Variants in MKLN1 observed in about 807,000 individuals in gnomAD.
The protein encoded by MKLN1 is muskelin 1, also known as muskelin.
MKLN1 carries 18 observed loss-of-function variants against 99.0 expected under a neutral mutation model. The ratio of observed to expected loss-of-function variants is 0.18; its 90% CI spans 0.13 to 0.27. MKLN1 has a LOEUF of 0.27. Ranked by LOEUF, MKLN1 falls within the 10% of genes least tolerant of loss-of-function variation. The pLI is 1.00. For missense variants in MKLN1, 621 were observed against 875.9 expected (o/e 0.71, Z 3.67); for synonymous variants, 288 against 293.2 (o/e 0.98, Z 0.18).
At chr7:131,441,273 T>A (rs1001629420) in intron 10 of MKLN1, among the ~76,000 whole-genome samples, 1 of 152,196 alleles carries the variant, frequency 6.6e-6, no homozygotes, top group African/African-American at 2.4e-5. Context: ...CAACATTGGA[T>A]ACTTAGAAGC....
chr7:131,135,489 A>C (rs1203885360), intron 1 of MKLN1, among the ~76,000 whole-genome samples: 1 of 152,222 alleles, frequency 6.6e-6, no homozygotes. Context: ...AAGGCAATGG[A>C]CTGGATTGAC....
chr7:131,443,795 T>A, intron 11 of MKLN1, 93 bp downstream of exon 11: 1 of 982,602 alleles, frequency 1.0e-6, no homozygotes, highest in Non-Finnish European at 1.6e-6. Flanking sequence ...TAGGAAGAGA[T>A]TAGTGTAGCA....
intron 5 of MKLN1, 22 bp from the exon 6 acceptor site, chr7:131,399,219 T>C (rs1794454883): frequency 6.2e-6 from 10 of 1,605,440 alleles, no homozygotes; most frequent in Non-Finnish European, 7.7e-6. Flanking sequence ...CTTCTTTCCA[T>C]ACTTACTCTG....
At position 131,424,769 on chromosome 7, in the gene MKLN1, G is replaced by A. The variant is rs373286865; in HGVS notation, c.848-4264G>A. On this transcript the variant is annotated intron_variant, in intron 8 of 17. Coordinates refer to ENST00000352689, the MANE Select transcript of MKLN1 (RefSeq NM_013255.5). The stretch of plus-strand genomic sequence containing the variant: ...TGTTTTAGAATGAAATTTGTTTGCC[G>A]TTTCGAACATAGGCCACTTTACCTC... 5.3e-5 allele frequency among the ~76,000 whole-genome samples: 8 copies of A among 152,114 alleles called. No individual in the cohort carries two copies. The East Asian group carries it at 9.6e-4, about 18-fold the overall frequency.
intron 3 of MKLN1, among the ~76,000 whole-genome samples, chr7:131,304,189 C>T (rs1798420788): frequency 6.6e-6 from 1 of 152,074 alleles, no homozygotes; most frequent in South Asian, 2.1e-4. Context: ...GCCTGGGCAA[C>T]ATAGGAAGAC....
chr7:131,494,535 TG>T lies in MKLN1; in HGVS notation c.*6812del, dbSNP rs1177833473. Reference sequence around the variant, plus strand: ...AAGGTTACTTAGGAGTAGTCTTCCGTGGGGGAAGATAAATTTATTAAAGAGT... The same window carrying T: ...AAGGTTACTTAGGAGTAGTCTTCCGTGGGGAAGATAAATTTATTAAAGAGT... On this transcript the variant is annotated 3_prime_UTR_variant, in exon 18 of 18. Coordinates refer to ENST00000352689, the MANE Select transcript of MKLN1 (RefSeq NM_013255.5). The T allele has an allele frequency of 6.6e-6, 1 of 152,140 alleles. No individual in the cohort carries two copies. The highest frequency in any genetic ancestry group is 6.5e-5 in the Admixed American group (1 of 15,270). The allele number at this position is 152,140 out of a possible 1,614,324, so 9.4% of individuals were successfully genotyped here.
intron 2 of MKLN1, among the ~76,000 whole-genome samples, chr7:131,376,112 A>G (rs201615125): frequency 4.2e-3 from 1 of 240 alleles, no homozygotes; most frequent in African/African-American, 0.016. Context: ...ATATATATAT[A>G]TATATATATA....
intron 1 of MKLN1, among the ~76,000 whole-genome samples, chr7:131,351,943 A>G (rs1267390263): frequency 6.6e-6 from 1 of 152,126 alleles, no homozygotes; most frequent in African/African-American, 2.4e-5. Context: ...CACATTTACT[A>G]GCTGTAATTT....
intron 1 of MKLN1, among the ~76,000 whole-genome samples, chr7:131,134,323 G>C (rs118047622): frequency 0.067 from 10,119 of 151,952 alleles, 456 homozygotes; most frequent in Admixed American, 0.16. Flanking sequence ...TATTGCCAGG[G>C]TCCTTCTCCA....
At chr7:131,133,798 CTTT>C (rs35694478) in intron 1 of MKLN1, among the ~76,000 whole-genome samples, 1 of 69,496 alleles carries the variant, frequency 1.4e-5, no homozygotes, top group African/African-American at 5.6e-5. Context: ...AGGTTGACTT[CTTT>C]TTTTTTTTTT....
chr7:131,360,098 G>C (rs1319118630), intron 1 of MKLN1, among the ~76,000 whole-genome samples: 1 of 151,964 alleles, frequency 6.6e-6, no homozygotes, highest in Non-Finnish European at 1.5e-5. Context: ...TGTTTGCTTT[G>C]TCTGATATTA....
At chr7:131,338,045 T>C (rs765647547) in intron 1 of MKLN1, among the ~76,000 whole-genome samples, 1 of 152,222 alleles carries the variant, frequency 6.6e-6, no homozygotes, top group East Asian at 1.9e-4. Context: ...TGTAGTTTGC[T>C]TCCAACTTGG....
rs182695567 is a variant in MKLN1 at position 131,264,707 on chromosome 7, T to G, written c.-179+61733T>G. 3.3e-5 allele frequency among the ~76,000 whole-genome samples: 5 copies of G among 152,322 alleles called. No homozygotes were observed. The East Asian group carries it at 7.7e-4, about 23-fold the overall frequency. On this transcript the variant is annotated intron_variant, in intron 3 of 7. Coordinates refer to the MKLN1 transcript ENST00000416992. ...TCGTGTTTGTTTTTTGTTTTTGCAG[T>G]TCTGTTGTTCAGCTAGAGAAGTTGT...
intron 3 of MKLN1, among the ~76,000 whole-genome samples, chr7:131,300,359 G>GA (rs901249265): frequency 1.3e-5 from 2 of 150,798 alleles, no homozygotes; most frequent in Admixed American, 6.6e-5. Context: ...TGGAGGGTGG[G>GA]AAAAAAAAGC....
chr7:131,410,174 A>T (rs1160395751), intron 6 of MKLN1, among the ~76,000 whole-genome samples: 1 of 152,138 alleles, frequency 6.6e-6, no homozygotes, highest in Non-Finnish European at 1.5e-5. Flanking sequence ...TCTCCATACC[A>T]TTACAGTAAC....
At chr7:131,212,536 G>A (rs1796920867) in intron 3 of MKLN1, among the ~76,000 whole-genome samples, 1 of 152,182 alleles carries the variant, frequency 6.6e-6, no homozygotes, top group African/African-American at 2.4e-5. Context: ...TCTTGCAAAT[G>A]CAGTTCTTAA....
intron 2 of MKLN1, among the ~76,000 whole-genome samples, chr7:131,190,359 T>A (rs550417629): frequency 5.0e-4 from 76 of 151,964 alleles, no homozygotes; most frequent in Non-Finnish European, 8.4e-4. Context: ...CATTCCTTGA[T>A]GTCTTAGAGA....
At chr7:131,461,812 A>G (rs1796521683) in intron 12 of MKLN1, among the ~76,000 whole-genome samples, 1 of 152,216 alleles carries the variant, frequency 6.6e-6, no homozygotes. Flanking sequence ...CTGAGTTCAT[A>G]ATATGCACTT....
chr7:131,130,628 G>T (rs1795535159), intron 1 of MKLN1, among the ~76,000 whole-genome samples: 1 of 152,080 alleles, frequency 6.6e-6, no homozygotes, highest in South Asian at 2.1e-4. Context: ...ATTGGACACA[G>T]GTTTTCAAGG....
Sources: allele counts gnomAD v4.1 joint callset (sites outside exome capture counted in the v4.1 genomes callset), GRCh38; gene constraint gnomAD v4.1.1; transcripts MANE v1.5; gene names NCBI Gene and HGNC (gene_info 2026-07-23, HGNC 2026-07-21).